Variants in TCEA1 observed in about 807,000 individuals in gnomAD.
TCEA1 encodes transcription elongation factor A protein 1.
A neutral mutation model predicts 43.8 loss-of-function variants in TCEA1; 21 were observed. That is an observed-to-expected ratio of 0.48 (90% CI 0.34 to 0.69). TCEA1 has a LOEUF of 0.69. TCEA1 is among the 30% of genes least tolerant of loss of function. The probability of loss-of-function intolerance (pLI) is 0.01; values close to 1 mark genes in which losing one functional copy is unlikely to be tolerated. For missense variants in TCEA1, 250 were observed against 365.1 expected (o/e 0.68, Z 2.57); for synonymous variants, 104 against 117.5 (o/e 0.88, Z 0.75).
intron 4 of TCEA1, among the ~76,000 whole-genome samples, chr8:53,990,720 A>G (rs1803849377): frequency 6.6e-6 from 1 of 152,180 alleles, no homozygotes; most frequent in Admixed American, 6.5e-5. Flanking sequence ...GTCTGTAGCC[A>G]AATGCTCCAC....
intron 4 of TCEA1, among the ~76,000 whole-genome samples, chr8:53,992,115 C>T (rs979494310): frequency 5.9e-5 from 9 of 151,918 alleles, no homozygotes; most frequent in Admixed American, 2.0e-4. Context: ...AGTTCAAGAC[C>T]AGTCTGGCCA....
chr8:53,976,186 C>T (rs1376319802), intron 8 of TCEA1, among the ~76,000 whole-genome samples: 2 of 152,152 alleles, frequency 1.3e-5, no homozygotes, highest in Non-Finnish European at 2.9e-5. Flanking sequence ...TGATAAAATA[C>T]CAGTTTATCA....
chr8:53,989,921 C>T (rs1332120566), intron 4 of TCEA1, among the ~76,000 whole-genome samples: 1 of 152,122 alleles, frequency 6.6e-6, no homozygotes, highest in Non-Finnish European at 1.5e-5. Flanking sequence ...AGGTGCATGC[C>T]ACCATGCCCA....
At chr8:53,994,541 A>G (rs1337800610) in intron 3 of TCEA1, among the ~76,000 whole-genome samples, 1 of 152,124 alleles carries the variant, frequency 6.6e-6, no homozygotes, top group African/African-American at 2.4e-5. Flanking sequence ...TCTTAAATGA[A>G]CTATAAAGTA....
chr8:53,983,595 G>C (rs973772940), intron 7 of TCEA1, among the ~76,000 whole-genome samples: 1 of 152,090 alleles, frequency 6.6e-6, no homozygotes, highest in Non-Finnish European at 1.5e-5. Context: ...TTGAACCCGG[G>C]AGGCAGAGGT....
chr8:54,016,704 G>A (rs1804839755), intron 1 of TCEA1, among the ~76,000 whole-genome samples: 1 of 151,998 alleles, frequency 6.6e-6, no homozygotes, highest in Admixed American at 6.6e-5. Context: ...GCCAGGCGGT[G>A]TGGCTCACGC....
intron 8 of TCEA1, among the ~76,000 whole-genome samples, chr8:53,975,832 T>C (rs1217151160): frequency 1.3e-5 from 2 of 152,196 alleles, no homozygotes; most frequent in Admixed American, 6.5e-5. Context: ...GTGAATGCTC[T>C]ACTACTGAAC....
In TCEA1 at chr8:53,969,182, T is replaced by A. The variant is rs564460980; in HGVS notation, c.898-1070A>T. On this transcript the variant is annotated intron_variant, in intron 9 of 9. Coordinates refer to ENST00000521604, the MANE Select transcript of TCEA1 (RefSeq NM_006756.4). ...GCACATTCCTGTAATCCCAGCTACTTGGGAGGCTGAGGCAGGAGAATCGCT... is the reference window on the plus strand; with the variant it reads ...GCACATTCCTGTAATCCCAGCTACTAGGGAGGCTGAGGCAGGAGAATCGCT... Among the ~76,000 whole-genome samples the A allele has an allele frequency of 3.3e-5, 5 of 152,168 alleles. No homozygotes were observed. The East Asian group carries it at 9.7e-4, about 29-fold the overall frequency.
intron 8 of TCEA1, chr8:53,972,620 A>G (rs1336938695): frequency 5.0e-6 from 3 of 594,460 alleles, no homozygotes; most frequent in Non-Finnish European, 9.8e-6. Flanking sequence ...TATATTCTTC[A>G]GAGTTTGGAA....
intron 8 of TCEA1, 96 bp downstream of exon 8, chr8:53,978,929 G>T: frequency 7.3e-7 from 1 of 1,374,256 alleles, no homozygotes; most frequent in Non-Finnish European, 9.8e-7. Context: ...GATAAGTGAG[G>T]GACTATCATA....
rs115399298 is a variant in TCEA1, at chr8:53,982,233, G to A, written c.678+2130C>T. ...TGATTCATTGAGAAGAGGTCAATAT[G>A]TCAACATTTAGAGGAGTTTGAAAAA... On this transcript the variant is annotated intron_variant, in intron 7 of 9. Transcript: ENST00000521604. Among the ~76,000 whole-genome samples, 621 of 152,140 alleles carry A rather than the reference G, an allele frequency of 4.1e-3. 4 individuals carry two copies. Among genetic ancestry groups the A allele is most frequent in the African/African-American group, 0.014 (592 of 41,506 alleles).
At chr8:54,017,168 G>C (rs1386504984) in intron 1 of TCEA1, among the ~76,000 whole-genome samples, 2 of 152,232 alleles carry the variant, frequency 1.3e-5, no homozygotes, top group East Asian at 3.9e-4. Flanking sequence ...AGGAGTGACT[G>C]CTTAATAGGT....
chr8:53,986,514 T>C (rs1167762812), intron 6 of TCEA1, among the ~76,000 whole-genome samples: 2 of 152,242 alleles, frequency 1.3e-5, no homozygotes, highest in African/African-American at 4.8e-5. Flanking sequence ...GCCAACGAGA[T>C]ACACCCAATG....
chr8:53,989,416 C>T (rs562217331), intron 4 of TCEA1, among the ~76,000 whole-genome samples: 25 of 152,310 alleles, frequency 1.6e-4, no homozygotes, highest in Admixed American at 7.2e-4. Flanking sequence ...ATGTGGTTTG[C>T]TGCAATGCTA....
chr8:54,010,299 A>T (rs569782556), intron 2 of TCEA1, 131 bp downstream of exon 2: 2 of 613,712 alleles, frequency 3.3e-6, no homozygotes, highest in East Asian at 3.6e-5. Flanking sequence ...TGCCATCTTT[A>T]AAAAAAAATA....
chr8:53,989,484 C>T (rs1803803753), intron 4 of TCEA1, among the ~76,000 whole-genome samples: 1 of 152,224 alleles, frequency 6.6e-6, no homozygotes, highest in Admixed American at 6.5e-5. Flanking sequence ...ACTTCACAAA[C>T]AGGTGCCTGT....
At chr8:53,984,906 T>C (rs1164485657) in intron 6 of TCEA1, among the ~76,000 whole-genome samples, 2 of 151,944 alleles carry the variant, frequency 1.3e-5, no homozygotes, top group African/African-American at 2.4e-5. Context: ...ACCTGAAATT[T>C]CTAAGCAATT....
chr8:54,006,965 G>A (rs1563508482), intron 2 of TCEA1, among the ~76,000 whole-genome samples: 1 of 152,120 alleles, frequency 6.6e-6, no homozygotes, highest in Non-Finnish European at 1.5e-5. Context: ...AGCCTCCCGA[G>A]TAGCTGGGAT....
At chr8:54,020,360 G>A (rs1004646422) in intron 1 of TCEA1, among the ~76,000 whole-genome samples, 3 of 152,148 alleles carry the variant, frequency 2.0e-5, no homozygotes, top group Non-Finnish European at 4.4e-5. Flanking sequence ...TATCAATGGG[G>A]AGGAAAAATG....
Sources: allele counts gnomAD v4.1 joint callset (sites outside exome capture counted in the v4.1 genomes callset), GRCh38; gene constraint gnomAD v4.1.1; transcripts MANE v1.5; gene names NCBI Gene and HGNC (gene_info 2026-07-23, HGNC 2026-07-21).